The following OSBPL6 variants were observed in gnomAD, a reference collection of about 807,000 sequenced individuals.
The protein encoded by OSBPL6 is oxysterol-binding protein-related protein 6.
A neutral mutation model predicts 125.8 loss-of-function variants in OSBPL6; 49 were observed. That is an observed-to-expected ratio of 0.39 (90% CI 0.31 to 0.49). The LOEUF (loss-of-function observed/expected upper bound fraction) is 0.49, where lower values mean the gene tolerates loss of function less well. Among genes scored for constraint, OSBPL6 ranks in the 20% least tolerant of loss-of-function variants. The pLI is 0.88. For synonymous variants in OSBPL6, 394 were observed against 391.8 expected (o/e 1.01, Z -0.07); for missense variants, 986 against 1,135.4 (o/e 0.87, Z 1.89).
Position 178,384,147 on chromosome 2 carries a change from G to T in OSBPL6, c.1984G>T (p.Asp662Tyr). The change falls in exon 18 of 25, where the codon GAC becomes TAC. Residue 662 changes from aspartate to tyrosine, a missense_variant. This residue lies in a region of OSBPL6 where 843 missense variants were observed against 997.3 expected (regional missense o/e 0.85). Transcript: ENST00000190611. The stretch of plus-strand genomic sequence containing the variant: ...GGAGACTTATGAATGCATTAGAGAA[G>T]ACAAGGGATTCCGCTTTTTCTCAGA... ...LGETYECIRE[D>Y]KGFRFFSEQV... 1 of 1,614,084 alleles carries T rather than the reference G, an allele frequency of 6.2e-7. No homozygotes were observed. The highest frequency in any genetic ancestry group is 8.5e-7 in the Non-Finnish European group (1 of 1,179,936).
chr2:178,276,864 A>C (rs1225425756), intron 1 of OSBPL6, among the ~76,000 whole-genome samples: 1 of 152,112 alleles, frequency 6.6e-6, no homozygotes, highest in East Asian at 1.9e-4. Context: ...AGGAGCAAGA[A>C]CAATGAAACC....
chr2:178,209,392 C>T (rs1257337963), intron 1 of OSBPL6, among the ~76,000 whole-genome samples: 1 of 147,904 alleles, frequency 6.8e-6, no homozygotes, highest in African/African-American at 2.5e-5. Context: ...AATTTTCCAG[C>T]TTTTCTATTG....
In OSBPL6 at chr2:178,218,449, A is replaced by AGCTATTCTT. The variant is rs544483564; in HGVS notation, c.-351+23777_-351+23785dup. Among the ~76,000 whole-genome samples, 821 of 151,900 alleles carry AGCTATTCTT rather than the reference A, an allele frequency of 5.4e-3. 8 individuals carry two copies. The highest frequency in any genetic ancestry group is 0.019 in the African/African-American group (783 of 41,420). ...AGAGAGAGAATGCTATAGCAAGGTA[A>AGCTATTCTT]GCTATTCTTGACAAAATGCTCTTCA... On this transcript the variant is annotated intron_variant, in intron 1 of 24. Transcript: ENST00000190611.
chr2:178,349,945 G>A (rs928001516), intron 12 of OSBPL6, among the ~76,000 whole-genome samples: 16 of 152,194 alleles, frequency 1.1e-4, no homozygotes, highest in Non-Finnish European at 7.3e-5. Context: ...CTGGAAGGCT[G>A]CACACAACTG....
intron 1 of OSBPL6, among the ~76,000 whole-genome samples, chr2:178,208,528 C>T (rs2089660346): frequency 6.6e-6 from 1 of 152,090 alleles, no homozygotes; most frequent in Non-Finnish European, 1.5e-5. Flanking sequence ...ATGTTTTGGT[C>T]TTAAACCTTT....
intron 15 of OSBPL6, among the ~76,000 whole-genome samples, chr2:178,374,284 T>C (rs1475357377): frequency 6.6e-6 from 1 of 152,216 alleles, no homozygotes; most frequent in Admixed American, 6.5e-5. Context: ...TATTGGAGTG[T>C]CTTCTATGAT....
intron 1 of OSBPL6, among the ~76,000 whole-genome samples, chr2:178,235,660 C>G (rs1014949195): frequency 2.4e-4 from 37 of 152,058 alleles, no homozygotes; most frequent in African/African-American, 8.7e-4. Context: ...CCTGCCTTGG[C>G]CTCCCAAAGT....
At chr2:178,287,169 AC>A (rs1310586810) in intron 2 of OSBPL6, among the ~76,000 whole-genome samples, 66 of 138,974 alleles carry the variant, frequency 4.7e-4, no homozygotes, top group African/African-American at 1.7e-3. Flanking sequence ...AAAAAAAAAA[AC>A]AAATTATTTT....
chr2:178,349,864 G>A (rs1050804306), intron 12 of OSBPL6, among the ~76,000 whole-genome samples: 38 of 152,174 alleles, frequency 2.5e-4, no homozygotes, highest in African/African-American at 7.7e-4. Flanking sequence ...ACTGGGATTC[G>A]GCTGCAGGCT....
intron 3 of OSBPL6, chr2:178,320,242 C>A: frequency 1.3e-6 from 2 of 1,598,822 alleles, no homozygotes; most frequent in Admixed American, 1.7e-5. Flanking sequence ...CATGTTGGCA[C>A]ATTTCCACTT....
intron 1 of OSBPL6, among the ~76,000 whole-genome samples, chr2:178,269,647 A>G (rs1199489803): frequency 6.6e-6 from 1 of 152,202 alleles, no homozygotes; most frequent in Non-Finnish European, 1.5e-5. Flanking sequence ...AGCATTACTC[A>G]TATTTCCAGA....
chr2:178,220,144 C>G (rs571685584), intron 1 of OSBPL6, among the ~76,000 whole-genome samples: 1 of 152,254 alleles, frequency 6.6e-6, no homozygotes, highest in African/African-American at 2.4e-5. Context: ...ATACACATAA[C>G]AAATGCTAGA....
At chr2:178,210,436 G>A (rs1198665542) in intron 1 of OSBPL6, among the ~76,000 whole-genome samples, 2 of 151,974 alleles carry the variant, frequency 1.3e-5, no homozygotes, top group African/African-American at 4.8e-5. Flanking sequence ...GATATTATTT[G>A]ATGGCCTTTT....
At chr2:178,247,498 T>A (rs2091536810) in intron 1 of OSBPL6, among the ~76,000 whole-genome samples, 1 of 152,214 alleles carries the variant, frequency 6.6e-6, no homozygotes, top group South Asian at 2.1e-4. Context: ...GGAGCTCTCA[T>A]GTCTGGTGGC....
chr2:178,367,214 A>G (rs976570774), intron 13 of OSBPL6, among the ~76,000 whole-genome samples: 2 of 152,228 alleles, frequency 1.3e-5, no homozygotes, highest in South Asian at 2.1e-4. Flanking sequence ...GAAATGGGCC[A>G]AGCTACCAAC....
chr2:178,274,643 G>C (rs915721755), intron 1 of OSBPL6, among the ~76,000 whole-genome samples: 2 of 151,876 alleles, frequency 1.3e-5, no homozygotes, highest in Non-Finnish European at 2.9e-5. Flanking sequence ...CACCAGTAAG[G>C]GTGTCCCTAG....
At chr2:178,195,806 A>AT (rs60984895) in intron 1 of OSBPL6, among the ~76,000 whole-genome samples, 77 of 151,088 alleles carry the variant, frequency 5.1e-4, no homozygotes, top group African/African-American at 1.7e-3. Flanking sequence ...TTCAGTTGTG[A>AT]TTTTTTTTTT....
intron 2 of OSBPL6, among the ~76,000 whole-genome samples, chr2:178,289,016 C>CTTTT (rs58943076): frequency 4.6e-5 from 6 of 130,596 alleles, no homozygotes; most frequent in African/African-American, 1.4e-4. Context: ...TCTTTTTCTT[C>CTTTT]TTTTTTTTTT....
chr2:178,321,171 A>G (rs1253190165), intron 3 of OSBPL6, among the ~76,000 whole-genome samples: 2 of 152,200 alleles, frequency 1.3e-5, no homozygotes, highest in Non-Finnish European at 2.9e-5. Flanking sequence ...TAATAATTCC[A>G]AGATAAAGCT....
Sources: gnomAD v4.1 joint callset for allele counts (sites outside exome capture counted in the v4.1 genomes callset) on GRCh38, gnomAD v4.1.1 for gene constraint, gnomAD v4.1.1 regional missense constraint, MANE v1.5 for transcripts, NCBI Gene and HGNC (gene_info 2026-07-23, HGNC 2026-07-21) for gene names.